Variants in CHRNE observed in about 807,000 individuals in gnomAD.
The protein encoded by CHRNE is cholinergic receptor nicotinic epsilon subunit, also known as acetylcholine receptor subunit epsilon.
CHRNE carries 58 observed loss-of-function variants against 56.5 expected under a neutral mutation model. That is an observed-to-expected ratio of 1.03 (90% CI 0.83 to 1.28). CHRNE has a LOEUF of 1.28. Ranked by LOEUF, CHRNE falls within the 50% of genes most tolerant of loss-of-function variation. The pLI is 0.00. For missense variants in CHRNE, 793 were observed against 688.9 expected, an observed-to-expected ratio of 1.15 and a Z score of -1.69; for synonymous variants, 385 against 297.9, an observed-to-expected ratio of 1.29 and a Z score of -3.01.
At position 4,902,199 on chromosome 17, in the gene CHRNE, G is replaced by A. The variant is rs201821934; in HGVS notation, c.344+18C>T. ...CAGGCCGGCTTCCCTCCAGCCTGGC[G>A]TCTGGCCCGGTTCTCACTTGTTTTC... On this transcript the variant is annotated intron_variant, in intron 4 of 11. Coordinates refer to ENST00000649488, the MANE Select transcript of CHRNE (RefSeq NM_000080.4). The surrounding 1 kb of genome is among the most constrained non-coding windows in gnomAD (Gnocchi z 4.0). 3,679 of 1,613,980 alleles carry A rather than the reference G, an allele frequency of 2.3e-3. 14 individuals are homozygous for A. The highest frequency in any genetic ancestry group is 2.7e-3 in the Non-Finnish European group (3,182 of 1,179,880).
intron 8 of CHRNE, 136 bp downstream of exon 8, chr17:4,900,657 C>G: frequency 7.0e-7 from 1 of 1,436,320 alleles, no homozygotes; most frequent in Non-Finnish European, 9.5e-7. Flanking sequence ...ACTCCATCCC[C>G]GTACCAGCCC....
Position 4,899,241 on chromosome 17 carries a change from C to T in CHRNE, c.1176G>A (p.Glu392=), listed in dbSNP as rs768670572. 5 of 1,607,074 alleles carry T rather than the reference C, an allele frequency of 3.1e-6. No homozygotes were observed. Among genetic ancestry groups the T allele is most frequent in the Non-Finnish European group, 4.2e-6 (5 of 1,179,174 alleles). The change falls in exon 10 of 12, where the codon GAG becomes GAA. Residue 392 remains glutamate, a synonymous_variant. Coordinates refer to ENST00000649488, the MANE Select transcript of CHRNE (RefSeq NM_000080.4). ...EELILKKPRS[E]LVFEGQRHRQ... ...GGTGCCTCTGCCCCTCAAACACGAG[C>T]TCGCTCCGTGGCTTTTTCAGTATCA...
In CHRNE at chr17:4,900,747, C is replaced by G. The variant is rs1223275181; in HGVS notation, c.917+46G>C. 5.7e-6 allele frequency: 9 copies of G among 1,574,866 alleles called. No homozygotes were observed. The Admixed American group carries it at 1.6e-4, about 28-fold the overall frequency. The stretch of plus-strand genomic sequence containing the variant: ...GGGGTCTCTGGGTTTTGGCCACGCC[C>G]CCACCCTTCACACTGGCCACACCCC... On this transcript the variant is annotated intron_variant, in intron 8 of 11. Transcript: ENST00000649488.
At position 4,902,804 on chromosome 17, in the gene CHRNE, A is replaced by G. The variant is rs758345435; in HGVS notation, c.47-41T>C. 1 of 1,613,818 alleles carries G rather than the reference A, an allele frequency of 6.2e-7. No homozygotes were observed. The highest frequency in any genetic ancestry group is 8.5e-7 in the Non-Finnish European group (1 of 1,179,982). ...GAAGGAAGGGTCATTGGCAATGAAG[A>G]GGCTGGAGCACCTCTCTCCCCTCTG... On this transcript the variant is annotated intron_variant, in intron 1 of 11. Transcript: ENST00000649488. This position sits in a 1 kb window ranked among gnomAD's most constrained non-coding sequence, Gnocchi z 4.0.
Position 4,901,950 on chromosome 17 carries a change from T to G in CHRNE, c.482A>C (p.Asn161Thr). The change falls in exon 5 of 12, where the codon AAC becomes ACC. Residue 161 changes from asparagine to threonine, a missense_variant. Asn to Thr is a moderately conservative substitution (Grantham distance 65). Transcript: ENST00000649488. ...TTCCCACCGGAAAATAAGCGAACAGTTCTGCCAATCGAAGGGGAAGTAGGT... is the reference window on the plus strand; with the variant it reads ...TTCCCACCGGAAAATAAGCGAACAGGTCTGCCAATCGAAGGGGAAGTAGGT... The part of the protein sequence containing the change: ...EVTYFPFDWQ[N>T]CSLIFRSQTY... 1 of 1,595,950 alleles carries G rather than the reference T, an allele frequency of 6.3e-7. No homozygotes were observed. Among genetic ancestry groups the G allele is most frequent in the Non-Finnish European group, 8.5e-7 (1 of 1,169,826 alleles).
chr17:4,901,713 GGCCGC>G, intron 5 of CHRNE, 88 bp from the exon 6 acceptor site: 2 of 1,381,876 alleles, frequency 1.4e-6, no homozygotes, highest in Non-Finnish European at 2.0e-6. Context: ...GATCTAGCGG[GGCCGC>G]GATCCCAAGC....
intron 8 of CHRNE, 65 bp downstream of exon 8, chr17:4,900,728 T>C: frequency 2.6e-6 from 4 of 1,528,382 alleles, no homozygotes; most frequent in Non-Finnish European, 3.6e-6. Flanking sequence ...TCCCGGGGTC[T>C]CTGGGTTTTG....
At chr17:4,900,173 C>T (rs922816336) in intron 8 of CHRNE, 9 of 1,545,158 alleles carry the variant, frequency 5.8e-6, no homozygotes, top group Non-Finnish European at 7.0e-6. Context: ...TTAGGATACG[C>T]GGCGATCGGG....
upstream of CHRNE, among the ~76,000 whole-genome samples, chr17:4,905,743 C>T (rs182904904): frequency 1.5e-3 from 223 of 152,080 alleles, no homozygotes; most frequent in Admixed American, 3.0e-3. Flanking sequence ...CACCTGTAAT[C>T]CCAGCTACTC....
At chr17:4,908,140 C>A (rs1051795163) in intron 1 of CHRNE, among the ~76,000 whole-genome samples, 2 of 152,100 alleles carry the variant, frequency 1.3e-5, no homozygotes, top group Non-Finnish European at 2.9e-5. Flanking sequence ...CATTGCACTC[C>A]AGCCTGGTGA....
intron 8 of CHRNE, chr17:4,900,526 T>C (rs1418063217): frequency 6.5e-7 from 1 of 1,549,762 alleles, no homozygotes; most frequent in East Asian, 2.4e-5. Context: ...GGACACGGGG[T>C]GAGTTAGGGG....
At position 4,901,604 on chromosome 17, in the gene CHRNE, T is replaced by TAG; in HGVS notation, c.521_522insCT (p.Glu174AspfsTer2). 1.2e-6 allele frequency: 2 copies of TAG among 1,614,164 alleles called. No individual in the cohort carries two copies. The highest frequency in any genetic ancestry group is 1.7e-6 in the Non-Finnish European group (2 of 1,180,016). On this transcript the variant is annotated frameshift_variant, in exon 6 of 12. Coordinates refer to ENST00000649488, the MANE Select transcript of CHRNE (RefSeq NM_000080.4). LOFTEE classifies it high-confidence loss of function. ...CTACGGCAAAAGTGAACTCCACCTC[T>TAG]TCGGCATTGTACGTCTGAGAGCTGC... is the stretch of plus-strand genomic sequence containing the variant.
chr17:4,906,686 G>A (rs1197176045), upstream of CHRNE, among the ~76,000 whole-genome samples: 1 of 151,858 alleles, frequency 6.6e-6, no homozygotes, highest in African/African-American at 2.4e-5. Flanking sequence ...GACCTCATCT[G>A]TAAATAAATA....
chr17:4,899,157 G>T, intron 10 of CHRNE, 41 bp downstream of exon 10: 12 of 1,593,014 alleles, frequency 7.5e-6, no homozygotes, highest in Non-Finnish European at 1.0e-5. Context: ...CCCCTGGCAG[G>T]CACCCCGCGC....
intron 5 of CHRNE, 143 bp from the exon 6 acceptor site, chr17:4,901,768 C>G (rs1339039900): frequency 1.8e-5 from 23 of 1,259,564 alleles, no homozygotes; most frequent in Non-Finnish European, 2.6e-5. Flanking sequence ...GCCTCTGTTC[C>G]CATCTGTACC....
intron 8 of CHRNE, 147 bp from the exon 9 acceptor site, chr17:4,899,729 C>CA (rs1311056868): frequency 2.0e-5 from 31 of 1,541,326 alleles, no homozygotes; most frequent in Non-Finnish European, 2.7e-5. Context: ...ACGCGTCCCC[C>CA]AGCCCTTCTC....
At chr17:4,901,783 G>A in intron 5 of CHRNE, 149 bp downstream of exon 5, 6 of 1,327,308 alleles carry the variant, frequency 4.5e-6, no homozygotes, top group Non-Finnish European at 6.4e-6. Context: ...TGTACCTCCG[G>A]CCGCGCTGGA....
chr17:4,902,474 G>C lies in CHRNE; in HGVS notation c.210C>G (p.Leu70=), dbSNP rs750125430. 13 of 1,614,200 alleles carry C rather than the reference G, an allele frequency of 8.1e-6. No homozygotes were observed. The highest frequency in any genetic ancestry group is 1.1e-5 in the Non-Finnish European group (13 of 1,180,032). Residue 70 remains leucine (L), a synonymous_variant, in exon 3 of 12, where the codon CTC becomes CTG. Transcript: ENST00000649488. The surrounding 1 kb of genome is among the most constrained non-coding windows in gnomAD (Gnocchi z 4.0). ...LISLNEKEET[L]TTSVWIGIDW... is the part of the protein sequence containing the mutation. ...CGATTCCAATCCAGACGCTAGTGGT[G>C]AGAGTCTCCTCTTTTTCATTCTGCA...
rs1970036312 is a variant in CHRNE at position 4,902,927 on chromosome 17, A to C, written c.46+91T>G. 1.3e-6 allele frequency: 2 copies of C among 1,590,752 alleles called. No homozygotes were observed. Among genetic ancestry groups the C allele is most frequent in the South Asian group, 2.2e-5 (2 of 90,536 alleles). The stretch of plus-strand genomic sequence containing the variant: ...GCCTGGGAACGAAATACTGTGTCTA[A>C]GTCTCCATCTTGGTCTCTGTCTTTG... On this transcript the variant is annotated intron_variant, in intron 1 of 11. Coordinates refer to ENST00000649488, the MANE Select transcript of CHRNE (RefSeq NM_000080.4). This position sits in a 1 kb window ranked among gnomAD's most constrained non-coding sequence, Gnocchi z 4.0.
Sources: allele counts gnomAD v4.1 joint callset (sites outside exome capture counted in the v4.1 genomes callset), GRCh38; gene constraint gnomAD v4.1.1; non-coding constraint Gnocchi (gnomAD v3.1); transcripts MANE v1.5; gene names NCBI Gene and HGNC (gene_info 2026-07-23, HGNC 2026-07-21).